The following LRRC37A variants were observed in gnomAD, a reference collection of about 807,000 sequenced individuals.
LRRC37A encodes the protein leucine-rich repeat-containing protein 37A.
A neutral mutation model predicts 35.4 loss-of-function variants in LRRC37A; 3 were observed. That is an observed-to-expected ratio of 0.08 (90% CI 0.04 to 0.22). The LOEUF (loss-of-function observed/expected upper bound fraction) is 0.22. Among genes scored for constraint, LRRC37A ranks in the 10% least tolerant of loss-of-function variants. The pLI, the probability that LRRC37A is intolerant of heterozygous loss-of-function variation, is 1.00. For synonymous variants in LRRC37A, 23 were observed against 215.0 expected (o/e 0.11, Z 7.81); for missense variants, 67 against 565.3 (o/e 0.12, Z 8.94).
the LRRC37A span, among the ~76,000 whole-genome samples, chr17:46,279,372 C>T: frequency 3.3e-5 from 5 of 150,100 alleles, no homozygotes; most frequent in Non-Finnish European, 7.4e-5. Flanking sequence ...TTAATAGAGA[C>T]GAGGTTTTGC....
the LRRC37A span, among the ~76,000 whole-genome samples, chr17:46,276,441 A>C: frequency 1.3e-5 from 2 of 152,270 alleles, no homozygotes; most frequent in African/African-American, 4.8e-5. Context: ...TTACGTAATC[A>C]CAAGGTACAA....
chr17:46,253,687 G>A, the LRRC37A span, among the ~76,000 whole-genome samples: 5 of 141,004 alleles, frequency 3.5e-5, no homozygotes, highest in African/African-American at 7.6e-5. Flanking sequence ...GCAGTGAGCC[G>A]AGATGGCGGC....
At chr17:46,308,076 T>C (rs1320419234) in intron 5 of LRRC37A, among the ~76,000 whole-genome samples, 1 of 70,700 alleles carries the variant, frequency 1.4e-5, no homozygotes, top group East Asian at 2.6e-4. Context: ...ACTACAATTA[T>C]GTAGGCAACA....
upstream of LRRC37A, among the ~76,000 whole-genome samples, chr17:46,289,587 A>G (rs1234042674): frequency 6.6e-6 from 1 of 152,146 alleles, no homozygotes; most frequent in African/African-American, 2.4e-5. Context: ...TGGTCTGCCC[A>G]CCTTGGCCTC....
chr17:46,276,681 A>G, the LRRC37A span, among the ~76,000 whole-genome samples: 76 of 152,346 alleles, frequency 5.0e-4, 1 homozygote, highest in African/African-American at 1.8e-3. Flanking sequence ...ATAACTGGCT[A>G]GTTATGTTTC....
chr17:46,273,983 G>T, the LRRC37A span, among the ~76,000 whole-genome samples: 3 of 152,232 alleles, frequency 2.0e-5, no homozygotes, highest in African/African-American at 7.2e-5. Context: ...TCGTTAGTAT[G>T]ATCAACTGAT....
chr17:46,291,121 TAG>T (rs1567857984), upstream of LRRC37A, among the ~76,000 whole-genome samples: 1 of 152,258 alleles, frequency 6.6e-6, no homozygotes, highest in East Asian at 1.9e-4. Flanking sequence ...TCTCTATTTA[TAG>T]AGAGAGACTG....
At chr17:46,273,238 G>A in the LRRC37A span, among the ~76,000 whole-genome samples, 1 of 152,246 alleles carries the variant, frequency 6.6e-6, no homozygotes, top group Non-Finnish European at 1.5e-5. Flanking sequence ...CATCAGCACA[G>A]TGCATACAAT....
chr17:46,264,940 T>A, the LRRC37A span, among the ~76,000 whole-genome samples: 2 of 152,298 alleles, frequency 1.3e-5, no homozygotes, highest in African/African-American at 4.8e-5. Context: ...GCCTAGTGAA[T>A]TTTATTCCAC....
At chr17:46,282,677 T>G in the LRRC37A span, among the ~76,000 whole-genome samples, 266 of 138,640 alleles carry the variant, frequency 1.9e-3, no homozygotes, top group Middle Eastern at 4.3e-3. Context: ...CCCACTCGGC[T>G]TCCCAAAGTA....
the LRRC37A span, among the ~76,000 whole-genome samples, chr17:46,263,576 T>C: frequency 0.16 from 21,659 of 136,328 alleles, 2,185 homozygotes; most frequent in Middle Eastern, 0.26. Context: ...AAAAAAAGGC[T>C]GAGCACGGTG....
the LRRC37A span, among the ~76,000 whole-genome samples, chr17:46,281,641 G>T: frequency 2.6e-5 from 4 of 152,136 alleles, no homozygotes; most frequent in Non-Finnish European, 5.9e-5. Flanking sequence ...TGTTGGTAAG[G>T]TTGGGAATTT....
the LRRC37A span, among the ~76,000 whole-genome samples, chr17:46,257,436 G>C: frequency 6.1e-5 from 8 of 131,750 alleles, no homozygotes; most frequent in African/African-American, 1.8e-4. Context: ...CCAGGCAACA[G>C]AGTTAGACTC....
chr17:46,285,412 T>C, the LRRC37A span, among the ~76,000 whole-genome samples: 1 of 152,120 alleles, frequency 6.6e-6, no homozygotes, highest in Non-Finnish European at 1.5e-5. Flanking sequence ...GACTAGTTTT[T>C]TGTATTTTTA....
the LRRC37A span, chr17:46,267,571 T>C: frequency 6.2e-7 from 1 of 1,612,004 alleles, no homozygotes; most frequent in East Asian, 2.2e-5. Context: ...CCACCGTTTG[T>C]AACGTGGGTG....
the LRRC37A span, chr17:46,275,482 G>A: frequency 3.4e-5 from 23 of 684,700 alleles, no homozygotes; most frequent in East Asian, 9.3e-5. Flanking sequence ...TGCTTTATGC[G>A]GATGCCAAAG....
chr17:46,272,921 A>G, the LRRC37A span, among the ~76,000 whole-genome samples: 1 of 152,218 alleles, frequency 6.6e-6, no homozygotes, highest in Non-Finnish European at 1.5e-5. Flanking sequence ...CAGCTACAGA[A>G]GACATATTAC....
At chr17:46,265,306 CTTCTTCT>C in the LRRC37A span, among the ~76,000 whole-genome samples, 2 of 110,724 alleles carry the variant, frequency 1.8e-5, no homozygotes, top group Non-Finnish European at 3.5e-5. Context: ...TCTTCTTCTT[CTTCTTCT>C]TCCTCTTCTT....
In LRRC37A at chr17:46,325,647, G is replaced by A. The variant is rs1350240507; in HGVS notation, c.3053+2620G>A. Among the ~76,000 whole-genome samples the A allele has an allele frequency of 1.4e-4, 11 of 81,154 alleles. 5 individuals are homozygous for A. The highest frequency in any genetic ancestry group is 3.4e-4 in the Non-Finnish European group (9 of 26,772). The allele number at this position is 81,154 out of a possible 152,430, so 53.2% of individuals were successfully genotyped here. ...AATTGTGAAAATGTGTATACGGACCGCATAGTAGACAATGATAATATGAAG... is the reference window on the plus strand; with the variant it reads ...AATTGTGAAAATGTGTATACGGACCACATAGTAGACAATGATAATATGAAG... On this transcript the variant is annotated intron_variant, in intron 7 of 13. Transcript: ENST00000320254.
Sources: gnomAD v4.1 joint callset for allele counts (sites outside exome capture counted in the v4.1 genomes callset) on GRCh38, gnomAD v4.1.1 for gene constraint, MANE v1.5 for transcripts, NCBI Gene and HGNC (gene_info 2026-07-23, HGNC 2026-07-21) for gene names.